Variants in RASA2 observed in about 807,000 individuals in gnomAD.
RASA2 encodes the protein ras GTPase-activating protein 2.
A neutral mutation model predicts 118.2 loss-of-function variants in RASA2; 155 were observed. The observed-to-expected ratio is 1.31, with a 90% confidence interval of 1.15 to 1.50. RASA2 has a LOEUF of 1.50. Among genes scored for constraint, RASA2 ranks in the 40% most tolerant of loss-of-function variants. The probability of loss-of-function intolerance (pLI) is 0.00; values close to 1 mark genes in which losing one functional copy is unlikely to be tolerated. For synonymous variants in RASA2, 353 were observed against 349.1 expected (o/e 1.01, Z -0.12); for missense variants, 1,016 against 1,009.6 (o/e 1.01, Z -0.09).
chr3:141,554,617 A>G (rs1482054704), intron 6 of RASA2, among the ~76,000 whole-genome samples: 1 of 152,218 alleles, frequency 6.6e-6, no homozygotes, highest in Non-Finnish European at 1.5e-5. Context: ...GAAACACAGT[A>G]TTCCCTCTAC....
intron 19 of RASA2, among the ~76,000 whole-genome samples, chr3:141,589,018 T>A (rs2083248573): frequency 6.6e-6 from 1 of 152,082 alleles, no homozygotes; most frequent in South Asian, 2.1e-4. Context: ...ATTTTTATAT[T>A]TTTAGTGGAG....
chr3:141,592,852 TG>T (rs2083308115), intron 19 of RASA2, among the ~76,000 whole-genome samples: 1 of 150,602 alleles, frequency 6.6e-6, no homozygotes, highest in Non-Finnish European at 1.5e-5. Context: ...CAGAAAATGA[TG>T]GAGTCAGTAT....
Position 141,516,395 on chromosome 3 carries a change from TATG to T in RASA2, c.322_324del (p.Asp108del), listed in dbSNP as rs2082026855. On this transcript the variant is annotated inframe_deletion, in exon 3 of 24. Coordinates refer to ENST00000286364, the MANE Select transcript of RASA2 (RefSeq NM_006506.5). ...TTTCCAGTATTTGTCTTTCTATGTT[TATG>T]ATAAGAATGTTTTACAAAGAGATCT... 6.4e-7 allele frequency: 1 copy of T among 1,561,412 alleles called. No individual in the cohort carries two copies. The highest frequency in any genetic ancestry group is 8.7e-7 in the Non-Finnish European group (1 of 1,154,540).
intron 19 of RASA2, among the ~76,000 whole-genome samples, chr3:141,597,603 A>G (rs1047578383): frequency 1.3e-5 from 2 of 152,186 alleles, no homozygotes; most frequent in African/African-American, 2.4e-5. Context: ...GGATGAATTG[A>G]TATGTCAAAT....
chr3:141,582,306 T>C (rs2083127607), intron 17 of RASA2, among the ~76,000 whole-genome samples: 1 of 152,216 alleles, frequency 6.6e-6, no homozygotes, highest in Non-Finnish European at 1.5e-5. Context: ...ACCAAAATTT[T>C]TTTAGGCAAC....
intron 5 of RASA2, among the ~76,000 whole-genome samples, chr3:141,543,720 A>G (rs944924182): frequency 2.0e-5 from 3 of 152,000 alleles, no homozygotes; most frequent in Non-Finnish European, 2.9e-5. Context: ...TTGAAAATGT[A>G]CCACTTCCTT....
At chr3:141,572,525 C>G (rs2082940225) in intron 11 of RASA2, 84 bp from the exon 12 acceptor site, 2 of 945,622 alleles carry the variant, frequency 2.1e-6, no homozygotes, top group Admixed American at 3.6e-5. Flanking sequence ...CTAAATGCTT[C>G]TTTCTTAAAT....
chr3:141,552,562 G>C (rs1321329647), intron 5 of RASA2, among the ~76,000 whole-genome samples: 1 of 152,170 alleles, frequency 6.6e-6, no homozygotes, highest in African/African-American at 2.4e-5. Flanking sequence ...TGCCGTGTCA[G>C]ATATCATTTT....
intron 1 of RASA2, among the ~76,000 whole-genome samples, chr3:141,487,621 G>C (rs952924997): frequency 6.6e-6 from 1 of 152,112 alleles, no homozygotes; most frequent in South Asian, 2.1e-4. Context: ...GGGCGCTGGG[G>C]AGTGGCCCCG....
intron 4 of RASA2, among the ~76,000 whole-genome samples, chr3:141,539,365 G>T (rs1370467663): frequency 6.6e-6 from 1 of 152,044 alleles, no homozygotes; most frequent in African/African-American, 2.4e-5. Flanking sequence ...GCTTTCTCAG[G>T]CAGACTTCTG....
At chr3:141,548,591 T>G (rs2082522955) in intron 5 of RASA2, among the ~76,000 whole-genome samples, 1 of 152,204 alleles carries the variant, frequency 6.6e-6, no homozygotes, top group Non-Finnish European at 1.5e-5. Flanking sequence ...ATTCATGACA[T>G]TCTCTGTTTT....
rs2082908897 is a variant in RASA2 at position 141,570,963 on chromosome 3, C to T, written c.915C>T (p.Asp305=). The T allele has an allele frequency of 1.1e-5, 17 of 1,612,162 alleles. No individual in the cohort carries two copies. Among genetic ancestry groups the T allele is most frequent in the Non-Finnish European group, 1.4e-5 (17 of 1,178,964 alleles). Residue 305 remains aspartate, a synonymous_variant, in exon 10 of 24, where the codon GAC becomes GAT. Coordinates refer to ENST00000286364, the MANE Select transcript of RASA2 (RefSeq NM_006506.5). ...DNGNKSSKTD[D]LGSLRLNICY... The stretch of plus-strand genomic sequence containing the variant: ...GAAACAAGTCATCCAAAACTGATGA[C>T]CTGGGGTCTCTTCGATTAAATATAT...
intron 1 of RASA2, among the ~76,000 whole-genome samples, chr3:141,507,321 A>G (rs1015657215): frequency 1.3e-5 from 2 of 152,228 alleles, no homozygotes; most frequent in Non-Finnish European, 2.9e-5. Flanking sequence ...TGACAGCATC[A>G]ACTCTAGTTA....
At chr3:141,543,301 T>G (rs944860315) in intron 5 of RASA2, among the ~76,000 whole-genome samples, 1 of 152,182 alleles carries the variant, frequency 6.6e-6, no homozygotes, top group African/African-American at 2.4e-5. Context: ...GAATAAAATG[T>G]ATGTACTTTA....
chr3:141,552,148 T>G (rs916707301), intron 5 of RASA2, among the ~76,000 whole-genome samples: 2 of 152,174 alleles, frequency 1.3e-5, no homozygotes, highest in African/African-American at 4.8e-5. Flanking sequence ...CATCCGTGTT[T>G]TGGTTTGTGG....
intron 10 of RASA2, 34 bp downstream of exon 10, chr3:141,571,102 C>T (rs201626730): frequency 1.9e-5 from 30 of 1,544,064 alleles, no homozygotes; most frequent in Admixed American, 6.5e-5. Flanking sequence ...TGATTTAACA[C>T]GAAACGGCTA....
At chr3:141,544,879 G>A (rs541041932) in intron 5 of RASA2, among the ~76,000 whole-genome samples, 7 of 152,304 alleles carry the variant, frequency 4.6e-5, no homozygotes, top group South Asian at 2.1e-4. Flanking sequence ...GCAGACTAAC[G>A]CAGAAACAGA....
intron 19 of RASA2, among the ~76,000 whole-genome samples, chr3:141,593,183 G>A (rs768177302): frequency 2.6e-5 from 4 of 152,124 alleles, no homozygotes; most frequent in Non-Finnish European, 4.4e-5. Flanking sequence ...CAGTAGCTGA[G>A]ATTACAGGCA....
At chr3:141,562,536 T>C (rs1434332304) in intron 9 of RASA2, among the ~76,000 whole-genome samples, 1 of 132,514 alleles carries the variant, frequency 7.5e-6, no homozygotes, top group Non-Finnish European at 1.6e-5. Flanking sequence ...GCAGGAGAAA[T>C]TGCGTGCACC....
Sources: allele counts gnomAD v4.1 joint callset (sites outside exome capture counted in the v4.1 genomes callset), GRCh38; gene constraint gnomAD v4.1.1; transcripts MANE v1.5; gene names NCBI Gene and HGNC (gene_info 2026-07-23, HGNC 2026-07-21).